The following GPC5 variants were observed in gnomAD, a reference collection of about 807,000 sequenced individuals.
The protein encoded by GPC5 is glypican 5.
Under a neutral mutation model 53.9 loss-of-function variants are expected in GPC5, and 47 were observed. That is an observed-to-expected ratio of 0.87 (90% CI 0.69 to 1.11). GPC5 has a LOEUF of 1.11. Ranked by LOEUF, GPC5 falls within the 50% of genes most tolerant of loss-of-function variation. The probability of loss-of-function intolerance (pLI) is 0.00; values close to 1 mark genes in which losing one functional copy is unlikely to be tolerated. For synonymous variants in GPC5, 286 were observed against 263.3 expected, an observed-to-expected ratio of 1.09 and a Z score of -0.84; for missense variants, 748 against 713.1, an observed-to-expected ratio of 1.05 and a Z score of -0.56.
chr13:92,059,099 T>C (rs1429812549), intron 6 of GPC5, among the ~76,000 whole-genome samples: 1 of 152,226 alleles, frequency 6.6e-6, no homozygotes, highest in East Asian at 1.9e-4. Flanking sequence ...AACTGTACTG[T>C]ATACTGCTTT....
At position 92,399,757 on chromosome 13, in the gene GPC5, G is replaced by C. The variant is rs575855565; in HGVS notation, c.1561+254768G>C. Among the ~76,000 whole-genome samples, 14 of 152,252 alleles carry C rather than the reference G, an allele frequency of 9.2e-5. 1 individual carries two copies. In the South Asian group the frequency reaches 2.9e-3, roughly 32 times the overall value. ...CTGCTGCTCCTTAAGACTTATTCGT[G>C]TCTATCGTATATTTACCTAAGCATG... On this transcript the variant is annotated intron_variant, in intron 7 of 7. Transcript: ENST00000377067.
At chr13:92,610,953 T>C (rs1047057021) in intron 7 of GPC5, among the ~76,000 whole-genome samples, 8 of 143,614 alleles carry the variant, frequency 5.6e-5, no homozygotes, top group Non-Finnish European at 9.0e-5. Context: ...GCTAACCATA[T>C]CAATCTCAAT....
At chr13:92,382,803 G>C (rs1229986782) in intron 7 of GPC5, among the ~76,000 whole-genome samples, 2 of 151,796 alleles carry the variant, frequency 1.3e-5, no homozygotes, top group Non-Finnish European at 2.9e-5. Flanking sequence ...GAGGTCAGGA[G>C]ATCAAGACCA....
At chr13:92,778,670 T>G (rs1407503503) in intron 7 of GPC5, among the ~76,000 whole-genome samples, 1 of 152,188 alleles carries the variant, frequency 6.6e-6, no homozygotes, top group Non-Finnish European at 1.5e-5. Flanking sequence ...TCTTCAACCA[T>G]TATTTTACTC....
intron 7 of GPC5, among the ~76,000 whole-genome samples, chr13:92,532,663 G>A: frequency 6.6e-6 from 1 of 152,034 alleles, no homozygotes; most frequent in Non-Finnish European, 1.5e-5. Context: ...CTTATTCAGG[G>A]ATTTGTAAAA....
chr13:92,786,080 A>C (rs371335677), intron 7 of GPC5, among the ~76,000 whole-genome samples: 1 of 152,204 alleles, frequency 6.6e-6, no homozygotes, highest in Non-Finnish European at 1.5e-5. Context: ...TACAAATTGG[A>C]AAGTGTAGAG....
chr13:92,642,455 A>C (rs1399437163), intron 7 of GPC5, among the ~76,000 whole-genome samples: 1 of 152,166 alleles, frequency 6.6e-6, no homozygotes, highest in Non-Finnish European at 1.5e-5. Context: ...TTCTTCCATT[A>C]CATGGTAGTC....
chr13:92,337,160 T>TA (rs1331974077), intron 7 of GPC5, among the ~76,000 whole-genome samples: 12 of 143,580 alleles, frequency 8.4e-5, no homozygotes, highest in African/African-American at 3.1e-4. Context: ...TAATTTTAAA[T>TA]AAAAAAATAC....
intron 1 of GPC5, among the ~76,000 whole-genome samples, chr13:91,400,258 T>C (rs536614673): frequency 3.9e-5 from 6 of 152,298 alleles, no homozygotes; most frequent in Admixed American, 6.5e-5. Context: ...GGGACTTGCT[T>C]GTAGCAATGA....
At chr13:92,076,210 A>T (rs1004020169) in intron 6 of GPC5, among the ~76,000 whole-genome samples, 1 of 151,638 alleles carries the variant, frequency 6.6e-6, no homozygotes, top group Non-Finnish European at 1.5e-5. Context: ...CTGGGACTAC[A>T]GGCGCCCACC....
chr13:92,034,183 A>G (rs1448538683), intron 6 of GPC5, among the ~76,000 whole-genome samples: 1 of 152,186 alleles, frequency 6.6e-6, no homozygotes, highest in Non-Finnish European at 1.5e-5. Flanking sequence ...TAAATTATTT[A>G]TGGATGTATA....
Position 92,816,552 on chromosome 13 carries a change from C to T in GPC5, c.1562-49730C>T, listed in dbSNP as rs564211991. Among the ~76,000 whole-genome samples, 13 of 152,120 alleles carry T rather than the reference C, an allele frequency of 8.5e-5. No individual in the cohort carries two copies. The East Asian group carries it at 2.5e-3, about 29-fold the overall frequency. On this transcript the variant is annotated intron_variant, in intron 7 of 7. Coordinates refer to ENST00000377067, the MANE Select transcript of GPC5 (RefSeq NM_004466.6). ...GATCTGAGACTCTTTTGCAACTGTTCCTGAATAGCACTGGCTTCTTCATTC... is the reference window on the plus strand; with the variant it reads ...GATCTGAGACTCTTTTGCAACTGTTTCTGAATAGCACTGGCTTCTTCATTC...
chr13:92,392,373 C>T (rs71427570), intron 7 of GPC5, among the ~76,000 whole-genome samples: 1 of 152,062 alleles, frequency 6.6e-6, no homozygotes, highest in Non-Finnish European at 1.5e-5. Context: ...AGCTGGACCC[C>T]TTTCTTACAC....
chr13:92,583,827 G>A (rs990495699), intron 7 of GPC5, among the ~76,000 whole-genome samples: 1 of 152,236 alleles, frequency 6.6e-6, no homozygotes, highest in African/African-American at 2.4e-5. Flanking sequence ...TGAATCATGA[G>A]GGCAGGTCTT....
chr13:92,738,199 T>C (rs2139307260), intron 7 of GPC5, among the ~76,000 whole-genome samples: 1 of 152,222 alleles, frequency 6.6e-6, no homozygotes, highest in South Asian at 2.1e-4. Context: ...CTATGTCATC[T>C]CTTTGACAGT....
intron 5 of GPC5, among the ~76,000 whole-genome samples, chr13:91,798,898 T>A (rs1156699799): frequency 2.0e-5 from 3 of 152,240 alleles, no homozygotes; most frequent in African/African-American, 7.2e-5. Flanking sequence ...GATTTTTTAA[T>A]AATTGCCATT....
rs1417648402 is a variant in GPC5, at chr13:92,520,200, A to G, written c.1562-346082A>G. ...TTCACAGCAGAATTCTACCAGAGGTACAAGGAGGAGCTGGTACCATTCCTT... is the reference window on the plus strand; with the variant it reads ...TTCACAGCAGAATTCTACCAGAGGTGCAAGGAGGAGCTGGTACCATTCCTT... On this transcript the variant is annotated intron_variant, in intron 7 of 7. Transcript: ENST00000377067. 3.9e-5 allele frequency among the ~76,000 whole-genome samples: 6 copies of G among 152,318 alleles called. No homozygotes were observed. In the East Asian group the frequency reaches 9.7e-4, roughly 25 times the overall value.
At chr13:91,725,043 C>T (rs1365837551) in intron 3 of GPC5, 2 of 152,190 alleles carry the variant, frequency 1.3e-5, no homozygotes, top group East Asian at 1.9e-4. Context: ...TGCTTTTGCA[C>T]GTAGTGCCAA....
At chr13:91,932,568 T>A (rs1316327024) in intron 6 of GPC5, among the ~76,000 whole-genome samples, 1 of 152,072 alleles carries the variant, frequency 6.6e-6, no homozygotes, top group Non-Finnish European at 1.5e-5. Context: ...GTTTCCAATT[T>A]TCATTACAGA....
Sources: gnomAD v4.1 joint callset for allele counts (sites outside exome capture counted in the v4.1 genomes callset) on GRCh38, gnomAD v4.1.1 for gene constraint, MANE v1.5 for transcripts, NCBI Gene and HGNC (gene_info 2026-07-23, HGNC 2026-07-21) for gene names.